Variants in ZBTB20 observed in about 807,000 individuals in gnomAD.
The protein encoded by ZBTB20 is zinc finger and BTB domain containing 20.
ZBTB20 carries 9 observed loss-of-function variants against 56.9 expected under a neutral mutation model. The observed-to-expected ratio is 0.16, with a 90% CI of 0.10 to 0.28. ZBTB20 has a LOEUF of 0.28. ZBTB20 is among the 10% of genes least tolerant of loss of function. ZBTB20 has a pLI of 1.00. For synonymous variants in ZBTB20, 417 were observed against 420.7 expected (o/e 0.99, Z 0.11); for missense variants, 655 against 1,003.0 (o/e 0.65, Z 4.69).
intron 4 of ZBTB20, among the ~76,000 whole-genome samples, chr3:114,828,495 T>C (rs1335533486): frequency 6.6e-6 from 1 of 151,868 alleles, no homozygotes; most frequent in Non-Finnish European, 1.5e-5. Flanking sequence ...AATTGTTTTG[T>C]TATGTGATTA....
intron 3 of ZBTB20, among the ~76,000 whole-genome samples, chr3:114,956,413 A>G (rs2077247927): frequency 6.6e-6 from 1 of 152,228 alleles, no homozygotes; most frequent in Admixed American, 6.5e-5. Context: ...ACTTTAAGAC[A>G]GCAAGGTAGA....
chr3:114,578,541 A>G (rs1206071741), intron 6 of ZBTB20, among the ~76,000 whole-genome samples: 1 of 151,950 alleles, frequency 6.6e-6, no homozygotes, highest in African/African-American at 2.4e-5. Flanking sequence ...TATTTAGGAT[A>G]TAGAATAACT....
At chr3:114,645,121 C>G (rs1560078730) in intron 6 of ZBTB20, among the ~76,000 whole-genome samples, 1 of 151,978 alleles carries the variant, frequency 6.6e-6, no homozygotes, top group Non-Finnish European at 1.5e-5. Context: ...TACGAAATTA[C>G]AGTAAGAGCC....
At chr3:114,559,205 T>A (rs1350409588) in intron 6 of ZBTB20, among the ~76,000 whole-genome samples, 1 of 152,176 alleles carries the variant, frequency 6.6e-6, no homozygotes, top group Admixed American at 6.6e-5. Flanking sequence ...GACCAAACAG[T>A]AAATAAATAG....
At chr3:114,398,397 A>G (rs1056071415) in intron 7 of ZBTB20, among the ~76,000 whole-genome samples, 13 of 152,112 alleles carry the variant, frequency 8.5e-5, no homozygotes, top group Non-Finnish European at 1.0e-4. Flanking sequence ...TTAAAACCCA[A>G]TTTCTGTAGC....
intron 4 of ZBTB20, among the ~76,000 whole-genome samples, chr3:114,846,226 G>A (rs1025976877): frequency 3.3e-5 from 5 of 152,158 alleles, no homozygotes; most frequent in East Asian, 1.9e-4. Flanking sequence ...AAGACAAAGC[G>A]GTCAAGCAGC....
chr3:114,353,207 C>T (rs2080863549), intron 10 of ZBTB20, among the ~76,000 whole-genome samples: 1 of 152,152 alleles, frequency 6.6e-6, no homozygotes, highest in South Asian at 2.1e-4. Context: ...AACCAAATGG[C>T]CCAAGCACTG....
At chr3:114,836,673 A>G (rs1393470518) in intron 4 of ZBTB20, among the ~76,000 whole-genome samples, 2 of 152,162 alleles carry the variant, frequency 1.3e-5, no homozygotes, top group East Asian at 3.9e-4. Flanking sequence ...AAGCCGCATT[A>G]ACCCAAACAC....
rs376983717 is a variant in ZBTB20, at chr3:114,973,273, T to C, written c.-456+1093A>G. Among the ~76,000 whole-genome samples the C allele has an allele frequency of 7.9e-5, 12 of 152,320 alleles. 1 individual carries two copies. The South Asian group carries it at 2.5e-3, about 32-fold the overall frequency. ...TTGGTTTTATTAATCAAGGCATTTA[T>C]CATTAATTTGTAGAAAATATCGTAA... is the stretch of plus-strand genomic sequence containing the variant. On this transcript the variant is annotated intron_variant, in intron 3 of 11. Coordinates refer to ENST00000675478, the MANE Select transcript of ZBTB20 (RefSeq NM_001348800.3).
In ZBTB20 at chr3:114,329,735, A is replaced by AAAAAAAAAAAC. The variant is rs1553785009; in HGVS notation, c.*9269_*9270insGTTTTTTTTTT. 2.9e-5 allele frequency: 4 copies of AAAAAAAAAAAC among 138,682 alleles called. 1 individual carries two copies. The highest frequency in any genetic ancestry group is 1.2e-4 in the African/African-American group (4 of 32,938). 8.6% of individuals were successfully genotyped at this position (138,682 alleles called of 1,614,324 possible). A position where few individuals can be genotyped will look rare whatever the true frequency, so the allele number is the denominator to read the frequency against. ...AAAAAAAAAAAAAAAAAAAAAAAAAAAACAACTCCCAGGAAAATGAACACT... is the reference window on the plus strand; with the variant it reads ...AAAAAAAAAAAAAAAAAAAAAAAAAAAAAAAAAAAACAACAACTCCCAGGAAAATGAACACT... On this transcript the variant is annotated 3_prime_UTR_variant, in exon 12 of 12. Coordinates refer to ENST00000675478, the MANE Select transcript of ZBTB20 (RefSeq NM_001348800.3).
chr3:115,075,118 A>G (rs2082548910), intron 1 of ZBTB20, among the ~76,000 whole-genome samples: 1 of 151,482 alleles, frequency 6.6e-6, no homozygotes, highest in African/African-American at 2.4e-5. Context: ...TATGTTAGTA[A>G]GAACACTTAA....
At chr3:114,939,404 T>C (rs1560419762) in intron 3 of ZBTB20, among the ~76,000 whole-genome samples, 1 of 145,996 alleles carries the variant, frequency 6.8e-6, no homozygotes, top group Non-Finnish European at 1.5e-5. Flanking sequence ...TTAAGTAAAA[T>C]TGAAAATAGA....
chr3:114,417,975 T>C (rs796568814), intron 7 of ZBTB20, among the ~76,000 whole-genome samples: 2 of 152,074 alleles, frequency 1.3e-5, no homozygotes, highest in African/African-American at 4.8e-5. Context: ...TGATAGAAAA[T>C]AGACAATGCA....
At chr3:115,119,985 A>G (rs551217512) in intron 1 of ZBTB20, among the ~76,000 whole-genome samples, 15 of 152,226 alleles carry the variant, frequency 9.9e-5, no homozygotes, top group African/African-American at 3.6e-4. Context: ...AACTATGGAG[A>G]CAGCTTAAAA....
At position 114,350,763 on chromosome 3, in the gene ZBTB20, C is replaced by T; in HGVS notation, c.1315G>A (p.Val439Met). 6.2e-7 allele frequency: 1 copy of T among 1,614,162 alleles called. No individual in the cohort carries two copies. ...GASSPERSNE[V>M]EMDSTVITVS... ...GTGATAACAGTGCTGTCCATCTCCACTTCATTGCTTCTCTCCGGAGAGGAA... is the reference window on the plus strand; with the variant it reads ...GTGATAACAGTGCTGTCCATCTCCATTTCATTGCTTCTCTCCGGAGAGGAA... The change falls in exon 11 of 12, where the codon GTG becomes ATG. Residue 439 changes from valine to methionine, a missense_variant. Transcript: ENST00000675478.
chr3:114,800,733 C>A (rs1202508017), intron 5 of ZBTB20, among the ~76,000 whole-genome samples: 1 of 149,088 alleles, frequency 6.7e-6, no homozygotes, highest in Admixed American at 6.8e-5. Context: ...AAATCTTTTA[C>A]CTTCAGTGAG....
intron 6 of ZBTB20, among the ~76,000 whole-genome samples, chr3:114,570,781 T>G (rs1461146491): frequency 2.6e-5 from 4 of 152,184 alleles, no homozygotes; most frequent in Non-Finnish European, 5.9e-5. Context: ...ATTTTTTCAA[T>G]GCAGATCTGG....
intron 6 of ZBTB20, among the ~76,000 whole-genome samples, chr3:114,555,987 CA>C (rs922420841): frequency 1.4e-4 from 21 of 152,230 alleles, no homozygotes; most frequent in African/African-American, 5.1e-4. Flanking sequence ...ACATAGGTGT[CA>C]TTGCCTTCCA....
At position 114,380,779 on chromosome 3, in the gene ZBTB20, T is replaced by C; in HGVS notation, c.9A>G (p.Glu3=). 6.6e-7 allele frequency: 1 copy of C among 1,511,604 alleles called. No homozygotes were observed. The highest frequency in any genetic ancestry group is 8.8e-7 in the Non-Finnish European group (1 of 1,138,052). 93.6% of individuals were successfully genotyped at this position (1,511,604 alleles called of 1,614,324 possible). A position where few individuals can be genotyped will look rare whatever the true frequency, so the allele number is the denominator to read the frequency against. Residue 3 remains glutamate, a splice_region_variant and synonymous_variant, in exon 9 of 12, where the codon GAA becomes GAG. Coordinates refer to ENST00000675478, the MANE Select transcript of ZBTB20 (RefSeq NM_001348800.3). ML[E]RKKPKTAENQ... is the part of the protein sequence containing the mutation. ...AAAAATACTAGTGGAAGTTTTACCGTTCTAGCATTTGTCAGGAAGCTTAGA... is the reference window on the plus strand; with the variant it reads ...AAAAATACTAGTGGAAGTTTTACCGCTCTAGCATTTGTCAGGAAGCTTAGA...
Sources: allele counts gnomAD v4.1 joint callset (sites outside exome capture counted in the v4.1 genomes callset), GRCh38; gene constraint gnomAD v4.1.1; transcripts MANE v1.5; gene names NCBI Gene and HGNC (gene_info 2026-07-23, HGNC 2026-07-21).